UNC5C: variants seen among roughly 807,000 people sequenced by gnomAD.
The protein encoded by UNC5C is unc-5 netrin receptor C.
Under a neutral mutation model 99.8 loss-of-function variants are expected in UNC5C, and 47 were observed. The ratio of observed to expected loss-of-function variants is 0.47; its 90% CI spans 0.37 to 0.60. The LOEUF (loss-of-function observed/expected upper bound fraction) is 0.60. UNC5C is among the 20% of genes least tolerant of loss of function. The probability of loss-of-function intolerance (pLI) is 0.00; values close to 1 mark genes in which losing one functional copy is unlikely to be tolerated. For synonymous variants in UNC5C, 487 were observed against 452.2 expected, an observed-to-expected ratio of 1.08 and a Z score of -0.98; for missense variants, 1,062 against 1,165.9, an observed-to-expected ratio of 0.91 and a Z score of 1.30.
intron 2 of UNC5C, among the ~76,000 whole-genome samples, chr4:95,325,317 A>G (rs963020822): frequency 1.3e-5 from 2 of 152,224 alleles, no homozygotes; most frequent in Non-Finnish European, 2.9e-5. Context: ...CTTGGAGAAT[A>G]AACTGCTGGA....
At position 95,316,661 on chromosome 4, in the gene UNC5C, A is replaced by G. The variant is rs546922539; in HGVS notation, c.347-14912T>C. On this transcript the variant is annotated intron_variant, in intron 2 of 15. Coordinates refer to ENST00000453304, the MANE Select transcript of UNC5C (RefSeq NM_003728.4). ...ATAGAACCACTGCTTTCTCATTAAC[A>G]GTTTTCACAATCCCTTTTAGCTTGT... Among the ~76,000 whole-genome samples, 143 of 152,290 alleles carry G rather than the reference A, an allele frequency of 9.4e-4. 1 individual carries two copies. The highest frequency in any genetic ancestry group is 6.2e-4 in the South Asian group (3 of 4,820).
chr4:95,290,337 G>T (rs1741396450), intron 3 of UNC5C, among the ~76,000 whole-genome samples: 1 of 88,694 alleles, frequency 1.1e-5, no homozygotes, highest in Admixed American at 1.0e-4. Flanking sequence ...TAAAAAGTTT[G>T]GTGGTGTTTT....
rs756344686 is a variant in UNC5C at position 95,165,518 on chromosome 4, T to C, written c.*3716A>G. ...AGGTTTGTCATCACCATGCCAGTTA[T>C]CAATTCTGAATCCAACTTCTATTCC... On this transcript the variant is annotated 3_prime_UTR_variant, in exon 16 of 16. Transcript: ENST00000453304. 5 of 152,202 alleles carry C rather than the reference T, an allele frequency of 3.3e-5. No homozygotes were observed. The highest frequency in any genetic ancestry group is 4.4e-5 in the Non-Finnish European group (3 of 68,040). 9.4% of individuals were successfully genotyped at this position (152,202 alleles called of 1,614,324 possible). A position where few individuals can be genotyped will look rare whatever the true frequency, so the allele number is the denominator to read the frequency against.
At chr4:95,416,109 G>T (rs975571594) in intron 1 of UNC5C, among the ~76,000 whole-genome samples, 5 of 152,142 alleles carry the variant, frequency 3.3e-5, no homozygotes, top group Non-Finnish European at 7.4e-5. Flanking sequence ...CAGACAAATA[G>T]CTGGAGAATG....
intron 14 of UNC5C, among the ~76,000 whole-genome samples, chr4:95,181,036 C>G (rs1012535641): frequency 1.3e-5 from 2 of 152,216 alleles, no homozygotes; most frequent in Non-Finnish European, 2.9e-5. Context: ...ACTCCCTCCT[C>G]TGCGCACCCA....
At chr4:95,453,613 T>G (rs757538525) in intron 1 of UNC5C, among the ~76,000 whole-genome samples, 1 of 152,136 alleles carries the variant, frequency 6.6e-6, no homozygotes, top group Non-Finnish European at 1.5e-5. Context: ...CTGTTCCCCT[T>G]CATTTCCTTC....
chr4:95,192,561 T>C (rs1737192067), intron 12 of UNC5C, among the ~76,000 whole-genome samples: 1 of 119,904 alleles, frequency 8.3e-6, no homozygotes, highest in African/African-American at 3.3e-5. Context: ...CTCTTCTGCT[T>C]ACCTCTTCCC....
At chr4:95,330,845 A>G (rs1743083963) in intron 2 of UNC5C, among the ~76,000 whole-genome samples, 1 of 152,054 alleles carries the variant, frequency 6.6e-6, no homozygotes, top group South Asian at 2.1e-4. Context: ...TTTATGGGAT[A>G]TAAGTATAAT....
At position 95,326,626 on chromosome 4, in the gene UNC5C, G is replaced by T. The variant is rs1485558985; in HGVS notation, c.346+8784C>A. Among the ~76,000 whole-genome samples, 3 of 152,108 alleles carry T rather than the reference G, an allele frequency of 2.0e-5. No homozygotes were observed. In the East Asian group the frequency reaches 5.8e-4, roughly 29 times the overall value. On this transcript the variant is annotated intron_variant, in intron 2 of 15. Coordinates refer to ENST00000453304, the MANE Select transcript of UNC5C (RefSeq NM_003728.4). ...TTTCTGTTTCTTATATTGCATACAT[G>T]TAAGAAATGCAACTGTGGTTTAAAT...
At chr4:95,173,819 G>T (rs1300754643) in intron 14 of UNC5C, among the ~76,000 whole-genome samples, 1 of 151,982 alleles carries the variant, frequency 6.6e-6, no homozygotes, top group Admixed American at 6.6e-5. Context: ...AGGAATGGTA[G>T]CAGCTCCTCC....
chr4:95,207,501 A>G (rs961935925), intron 10 of UNC5C, among the ~76,000 whole-genome samples: 1 of 152,206 alleles, frequency 6.6e-6, no homozygotes, highest in Non-Finnish European at 1.5e-5. Flanking sequence ...GTAATCAACA[A>G]GCAAATGGAT....
At chr4:95,475,695 C>A (rs555104785) in intron 1 of UNC5C, among the ~76,000 whole-genome samples, 1 of 152,200 alleles carries the variant, frequency 6.6e-6, no homozygotes, top group Admixed American at 6.5e-5. Flanking sequence ...AATAAGTTCT[C>A]CCATACTAAA....
chr4:95,190,220 C>G (rs1737016146), intron 12 of UNC5C, among the ~76,000 whole-genome samples: 1 of 152,048 alleles, frequency 6.6e-6, no homozygotes, highest in Non-Finnish European at 1.5e-5. Context: ...AACCATCATT[C>G]TCAGTAAACT....
intron 1 of UNC5C, among the ~76,000 whole-genome samples, chr4:95,512,795 G>T (rs910685516): frequency 2.6e-5 from 4 of 151,996 alleles, no homozygotes; most frequent in Non-Finnish European, 5.9e-5. Context: ...CTAAGCAAAA[G>T]TAATTTTTTT....
chr4:95,215,940 A>G, intron 10 of UNC5C, 184 bp downstream of exon 10: 1 of 474,652 alleles, frequency 2.1e-6, no homozygotes, highest in Non-Finnish European at 3.7e-6. Context: ...GATCTGCAAA[A>G]GCGTCTGGAG....
Position 95,467,871 on chromosome 4 carries a change from G to T in UNC5C, c.124+80863C>A, listed in dbSNP as rs190406876. 2.1e-3 allele frequency among the ~76,000 whole-genome samples: 327 copies of T among 152,180 alleles called. 3 individuals carry two copies. The highest frequency in any genetic ancestry group is 1.3e-3 in the Non-Finnish European group (91 of 68,012). On this transcript the variant is annotated intron_variant, in intron 1 of 15. Coordinates refer to ENST00000453304, the MANE Select transcript of UNC5C (RefSeq NM_003728.4). Reference sequence around the variant, plus strand: ...ATACTGTATTTTTACAATAAGGAAAGCTAGAGAAAAGAAAATATTATTAAG... The same window carrying T: ...ATACTGTATTTTTACAATAAGGAAATCTAGAGAAAAGAAAATATTATTAAG...
At chr4:95,382,500 C>T (rs1215622650) in intron 1 of UNC5C, among the ~76,000 whole-genome samples, 2 of 151,222 alleles carry the variant, frequency 1.3e-5, no homozygotes, top group African/African-American at 4.9e-5. Context: ...ATGAATAATC[C>T]AAAATCATTT....
At chr4:95,491,945 T>C (rs893958480) in intron 1 of UNC5C, among the ~76,000 whole-genome samples, 13 of 151,640 alleles carry the variant, frequency 8.6e-5, no homozygotes, top group Middle Eastern at 6.8e-3. Flanking sequence ...TATCAAAATG[T>C]ATGTGTAAAA....
intron 3 of UNC5C, 68 bp downstream of exon 3, chr4:95,301,536 TCA>T: frequency 6.3e-7 from 1 of 1,598,616 alleles, no homozygotes; most frequent in South Asian, 1.1e-5. Flanking sequence ...GCTGGAGTAG[TCA>T]CAGTGTAAAC....
Sources: gnomAD v4.1 joint callset for allele counts (sites outside exome capture counted in the v4.1 genomes callset) on GRCh38, gnomAD v4.1.1 for gene constraint, MANE v1.5 for transcripts, NCBI Gene and HGNC (gene_info 2026-07-23, HGNC 2026-07-21) for gene names.